The following PXDNL variants were observed in gnomAD, a reference collection of about 807,000 sequenced individuals.
PXDNL encodes the protein probable oxidoreductase PXDNL.
A neutral mutation model predicts 150.8 loss-of-function variants in PXDNL; 145 were observed. That is an observed-to-expected ratio of 0.96 (90% CI 0.84 to 1.10). The LOEUF (loss-of-function observed/expected upper bound fraction) is 1.10, where lower values mean the gene tolerates loss of function less well. Among genes scored for constraint, PXDNL ranks in the 50% least tolerant of loss-of-function variants. The pLI is 0.00. For synonymous variants in PXDNL, 757 were observed against 725.7 expected, an observed-to-expected ratio of 1.04 and a Z score of -0.69; for missense variants, 2,087 against 1,873.9, an observed-to-expected ratio of 1.11 and a Z score of -2.10.
Position 51,809,387 on chromosome 8 carries a change from A to AGAG in PXDNL, c.-46_-44dup, listed in dbSNP as rs767090429. ...GCCACGCGAAGAAGCAGCCGGAGGG[A>AGAG]GAGCAGCAGCTGCAGCTGCAGCAGC... On this transcript the variant is annotated 5_prime_UTR_variant, in exon 1 of 23. Coordinates refer to ENST00000356297, the MANE Select transcript of PXDNL (RefSeq NM_144651.5). 26 of 1,490,530 alleles carry AGAG rather than the reference A, an allele frequency of 1.7e-5. No individual in the cohort carries two copies. The highest frequency in any genetic ancestry group is 2.3e-5 in the Non-Finnish European group (26 of 1,121,666). The allele number at this position is 1,490,530 out of a possible 1,614,324, so 92.3% of individuals were successfully genotyped here.
intron 1 of PXDNL, among the ~76,000 whole-genome samples, chr8:51,695,902 T>C (rs1217309535): frequency 1.3e-5 from 2 of 152,160 alleles, no homozygotes; most frequent in African/African-American, 2.4e-5. Context: ...GGCTAGTGGT[T>C]TGGACAACCA....
chr8:51,752,063 G>A (rs1026277535), intron 1 of PXDNL, among the ~76,000 whole-genome samples: 10 of 152,170 alleles, frequency 6.6e-5, no homozygotes, highest in Non-Finnish European at 1.3e-4. Flanking sequence ...GCTTATACAC[G>A]TTCTAAACTC....
chr8:51,423,713 C>A lies in PXDNL; in HGVS notation c.1657G>T (p.Glu553Ter). The A allele has an allele frequency of 2.5e-6, 4 of 1,613,560 alleles. No individual in the cohort carries two copies. The highest frequency in any genetic ancestry group is 3.4e-6 in the Non-Finnish European group (4 of 1,179,612). Residue 553 changes from glutamate (E) to a stop codon, truncating the protein, a stop_gained, in exon 14 of 23, where the codon GAG (glutamate) becomes TAG (stop). Transcript: ENST00000356297. LOFTEE classifies it high-confidence loss of function. Reference protein sequence around the residue: ...TWNKEGVQITESGKFHVDDEG... With the variant: ...TWNKEGVQIT Reference sequence around the variant, plus strand: ...TCATCCACATGGAATTTACCACTCTCAGTAATCTGCACACCTTCCTAGGGA... The same window carrying A: ...TCATCCACATGGAATTTACCACTCTAAGTAATCTGCACACCTTCCTAGGGA...
At chr8:51,662,187 A>G (rs1815288523) in intron 1 of PXDNL, among the ~76,000 whole-genome samples, 1 of 152,212 alleles carries the variant, frequency 6.6e-6, no homozygotes, top group Non-Finnish European at 1.5e-5. Flanking sequence ...TGCAGATTCA[A>G]TGGACTGCAG....
At chr8:51,361,167 C>CA (rs981851443) in intron 19 of PXDNL, among the ~76,000 whole-genome samples, 2 of 152,128 alleles carry the variant, frequency 1.3e-5, no homozygotes, top group African/African-American at 4.8e-5. Flanking sequence ...TGAGTTTGAG[C>CA]AAATTTTTTT....
intron 18 of PXDNL, among the ~76,000 whole-genome samples, chr8:51,374,304 T>TGA (rs1807230441): frequency 6.6e-6 from 1 of 152,230 alleles, no homozygotes; most frequent in Non-Finnish European, 1.5e-5. Context: ...CTGTAAGTGG[T>TGA]GAGACTCAGA....
intron 12 of PXDNL, among the ~76,000 whole-genome samples, chr8:51,429,599 A>T (rs1809201281): frequency 6.6e-6 from 1 of 151,980 alleles, no homozygotes; most frequent in Non-Finnish European, 1.5e-5. Flanking sequence ...AAAGTCCAAA[A>T]GTGCACAAGC....
chr8:51,707,223 G>C (rs1474009840), intron 1 of PXDNL, among the ~76,000 whole-genome samples: 3 of 152,184 alleles, frequency 2.0e-5, no homozygotes, highest in African/African-American at 7.2e-5. Context: ...AATAAAAACA[G>C]AGGCAGACAC....
intron 5 of PXDNL, among the ~76,000 whole-genome samples, chr8:51,484,023 G>C (rs987533183): frequency 6.6e-6 from 1 of 152,088 alleles, no homozygotes; most frequent in African/African-American, 2.4e-5. Context: ...GGAAATCAAA[G>C]TAAATAGTCA....
At chr8:51,616,409 T>C (rs2130725643) in intron 2 of PXDNL, among the ~76,000 whole-genome samples, 1 of 152,296 alleles carries the variant, frequency 6.6e-6, no homozygotes, top group South Asian at 2.1e-4. Flanking sequence ...AGAGATTTTC[T>C]TTGGGCCAAA....
chr8:51,372,372 A>T (rs1444708816), intron 18 of PXDNL, among the ~76,000 whole-genome samples: 5 of 152,096 alleles, frequency 3.3e-5, no homozygotes, highest in Non-Finnish European at 7.4e-5. Flanking sequence ...ACATTTTTAA[A>T]TTTTTTTTAA....
chr8:51,506,050 A>G (rs550363898), intron 4 of PXDNL, among the ~76,000 whole-genome samples: 93 of 152,356 alleles, frequency 6.1e-4, no homozygotes, highest in Non-Finnish European at 1.2e-3. Context: ...AATTGACTGA[A>G]TTATCATAAT....
At position 51,621,448 on chromosome 8, in the gene PXDNL, C is replaced by CTGTGTG. The variant is rs10531050; in HGVS notation, c.237-28756_237-28751dup. 1.6e-3 allele frequency among the ~76,000 whole-genome samples: 221 copies of CTGTGTG among 142,250 alleles called. 1 individual carries two copies. In the Middle Eastern group the frequency reaches 0.018, roughly 12 times the overall value. 93.3% of individuals were successfully genotyped at this position (142,250 alleles called of 152,430 possible). On this transcript the variant is annotated intron_variant, in intron 2 of 22. Transcript: ENST00000356297. ...TACAAAAGAATGAGTGTGTGTGTGT[C>CTGTGTG]TGTGTGTGTGTGTGTGTGTGTGTGT...
At chr8:51,748,955 C>G (rs146825988) in intron 1 of PXDNL, among the ~76,000 whole-genome samples, 1 of 152,206 alleles carries the variant, frequency 6.6e-6, no homozygotes, top group African/African-American at 2.4e-5. Context: ...TACCTATTGT[C>G]TCCTTCAAGT....
At chr8:51,615,091 T>C (rs543161896) in intron 2 of PXDNL, among the ~76,000 whole-genome samples, 1 of 152,334 alleles carries the variant, frequency 6.6e-6, no homozygotes, top group East Asian at 1.9e-4. Flanking sequence ...CAATCAGACA[T>C]GCTCAGTGGT....
At chr8:51,520,047 T>C (rs919957448) in intron 4 of PXDNL, among the ~76,000 whole-genome samples, 1 of 152,094 alleles carries the variant, frequency 6.6e-6, no homozygotes, top group African/African-American at 2.4e-5. Flanking sequence ...TGGACTGCGG[T>C]TGTGGGTATC....
intron 4 of PXDNL, among the ~76,000 whole-genome samples, chr8:51,519,152 G>A (rs1290260343): frequency 1.3e-5 from 2 of 152,158 alleles, no homozygotes; most frequent in African/African-American, 4.8e-5. Flanking sequence ...TTCTGTGATG[G>A]TAGGATAAAA....
intron 19 of PXDNL, among the ~76,000 whole-genome samples, chr8:51,359,775 A>C (rs1431628): frequency 0.73 from 111,321 of 151,860 alleles, 41,355 homozygotes; most frequent in East Asian, 0.94. Context: ...GCATTAGAGA[A>C]CCCTATTTAA....
rs531753594 is a variant in PXDNL, at chr8:51,571,549, G to C, written c.309-14638C>G. ...AATGATTTTTAAACTATAGAAAATG[G>C]ATTATACATAATCTATAAGACTCCT... On this transcript the variant is annotated intron_variant, in intron 3 of 22. Transcript: ENST00000356297. Among the ~76,000 whole-genome samples, 16 of 151,900 alleles carry C rather than the reference G, an allele frequency of 1.1e-4. No individual in the cohort carries two copies. The South Asian group carries it at 1.7e-3, about 16-fold the overall frequency.
Sources: gnomAD v4.1 joint callset for allele counts (sites outside exome capture counted in the v4.1 genomes callset) on GRCh38, gnomAD v4.1.1 for gene constraint, MANE v1.5 for transcripts, NCBI Gene and HGNC (gene_info 2026-07-23, HGNC 2026-07-21) for gene names.